The following HMCN2 variants were observed in gnomAD, a reference collection of about 807,000 sequenced individuals.
The protein encoded by HMCN2 is hemicentin-2.
HMCN2 carries 325 observed loss-of-function variants against 377.5 expected under a neutral mutation model. The ratio of observed to expected loss-of-function variants is 0.86; its 90% confidence interval spans 0.79 to 0.94. The LOEUF is 0.94. Ranked by LOEUF, HMCN2 falls within the 40% of genes least tolerant of loss-of-function variation. The pLI is 0.00. For missense variants in HMCN2, 4,543 were observed against 4,725.3 expected, an observed-to-expected ratio of 0.96 and a Z score of 1.13; for synonymous variants, 2,007 against 2,046.8, an observed-to-expected ratio of 0.98 and a Z score of 0.53.
At chr9:130,309,082 T>C (rs1284219593) in intron 14 of HMCN2, among the ~76,000 whole-genome samples, 1 of 152,210 alleles carries the variant, frequency 6.6e-6, no homozygotes, top group African/African-American at 2.4e-5. Flanking sequence ...CACCTAAAAG[T>C]GGTTCAGATC....
At chr9:130,401,586 G>T (rs547936668) in intron 77 of HMCN2, among the ~76,000 whole-genome samples, 1 of 152,234 alleles carries the variant, frequency 6.6e-6, no homozygotes, top group East Asian at 1.9e-4. Flanking sequence ...GCCTCCCAAA[G>T]TGCTGGAATT....
At chr9:130,307,913 T>A (rs1377672683) in intron 14 of HMCN2, among the ~76,000 whole-genome samples, 1 of 152,194 alleles carries the variant, frequency 6.6e-6, no homozygotes, top group South Asian at 2.1e-4. Flanking sequence ...ATTAAATGAG[T>A]TCCTATGCAC....
At chr9:130,357,780 AC>A in intron 34 of HMCN2, 53 bp from the exon 35 acceptor site, 1 of 1,256,126 alleles carries the variant, frequency 8.0e-7, no homozygotes, top group Non-Finnish European at 1.0e-6. Flanking sequence ...CTGGGTGCCC[AC>A]TGTACTCCTC....
intron 60 of HMCN2, 51 bp from the exon 61 acceptor site, chr9:130,386,392 A>G (rs1198964719): frequency 7.6e-6 from 9 of 1,180,144 alleles, no homozygotes; most frequent in Non-Finnish European, 1.0e-5. Flanking sequence ...GAGCCCTAGC[A>G]CCCCACTTCC....
At chr9:130,396,097 C>CCCCCCCCCAAAA in intron 72 of HMCN2, 32 bp downstream of exon 72, 1 of 1,237,052 alleles carries the variant, frequency 8.1e-7, no homozygotes, top group Non-Finnish European at 1.0e-6. Context: ...CCACCCTGCC[C>CCCCCCCCCAAAA]ACCTTACCCC....
At chr9:130,328,340 C>A (rs1838257189) in intron 22 of HMCN2, among the ~76,000 whole-genome samples, 1 of 152,080 alleles carries the variant, frequency 6.6e-6, no homozygotes, top group Admixed American at 6.5e-5. Context: ...GCCGTGGGAG[C>A]CCACAGCTCC....
chr9:130,316,374 G>A, intron 15 of HMCN2, among the ~76,000 whole-genome samples: 1 of 151,496 alleles, frequency 6.6e-6, no homozygotes, highest in Non-Finnish European at 1.5e-5. Context: ...GGGGGTGGGG[G>A]TGCTGCCCTG....
rs576805621 is a variant in HMCN2, at chr9:130,363,551, G to A, written c.6232+561G>A. Among the ~76,000 whole-genome samples, 17 of 152,272 alleles carry A rather than the reference G, an allele frequency of 1.1e-4. No individual in the cohort carries two copies. In the South Asian group the frequency reaches 2.7e-3, roughly 24 times the overall value. On this transcript the variant is annotated intron_variant, in intron 40 of 97. Coordinates refer to ENST00000683500, the MANE Select transcript of HMCN2 (RefSeq NM_001291815.2). ...GAAAGAATGCTGGGAGCTGGGCATG[G>A]TGGCTCACGCCTGTAATCCCAGCAC...
intron 48 of HMCN2, 40 bp downstream of exon 48, chr9:130,373,164 G>A (rs1841132092): frequency 2.5e-6 from 2 of 810,418 alleles, no homozygotes; most frequent in Non-Finnish European, 3.0e-6. Flanking sequence ...AGAAGGGGCG[G>A]GAAGGCACCT....
At chr9:130,418,678 T>C in intron 85 of HMCN2, 94 bp from the exon 86 acceptor site, 1 of 1,108,994 alleles carries the variant, frequency 9.0e-7, no homozygotes, top group Non-Finnish European at 1.2e-6. Flanking sequence ...TCTTTCTGCT[T>C]CTCTGGATTT....
chr9:130,406,199 A>G, intron 82 of HMCN2, 31 bp downstream of exon 82: 5 of 1,287,822 alleles, frequency 3.9e-6, no homozygotes, highest in Non-Finnish European at 5.1e-6. Flanking sequence ...GGTGGGACAG[A>G]GAGCCAGGAC....
At chr9:130,429,727 C>G in intron 94 of HMCN2, 42 bp downstream of exon 94, 1 of 1,296,002 alleles carries the variant, frequency 7.7e-7, no homozygotes. Context: ...CTGCAGCTGC[C>G]CCAGGGGTTA....
chr9:130,371,062 C>T lies in HMCN2; in HGVS notation c.7168C>T (p.Pro2390Ser), dbSNP rs1564825558. 3.0e-6 allele frequency: 3 copies of T among 985,970 alleles called. No homozygotes were observed. The highest frequency in any genetic ancestry group is 3.6e-6 in the Non-Finnish European group (3 of 830,010). 61.1% of individuals were successfully genotyped at this position (985,970 alleles called of 1,614,324 possible). ...TLLCEAMGIP[P>S]PAIRWFRGEE... ...GCTCTGTGAAGCCATGGGGATCCCACCTCCAGCCATCCGCTGGTTCCGAGG... is the reference window on the plus strand; with the variant it reads ...GCTCTGTGAAGCCATGGGGATCCCATCTCCAGCCATCCGCTGGTTCCGAGG... The change falls in exon 46 of 98, where the codon CCT (proline) becomes TCT (serine). Residue 2390 changes from proline (P) to serine (S), a missense_variant. Physicochemically the swap from Pro to Ser is moderately conservative, Grantham distance 74. Coordinates refer to ENST00000683500, the MANE Select transcript of HMCN2 (RefSeq NM_001291815.2).
chr9:130,392,871 C>T (rs943022762), intron 66 of HMCN2, among the ~76,000 whole-genome samples: 1 of 151,944 alleles, frequency 6.6e-6, no homozygotes, highest in Admixed American at 6.6e-5. Flanking sequence ...TGGCGGGCGC[C>T]TGTAGTCCCA....
rs552986147 is a variant in HMCN2, at chr9:130,279,374, A to G, written c.260-5229A>G. 2.6e-5 allele frequency among the ~76,000 whole-genome samples: 4 copies of G among 151,522 alleles called. 1 individual carries two copies. Among genetic ancestry groups the G allele is most frequent in the African/African-American group, 9.7e-5 (4 of 41,238 alleles). On this transcript the variant is annotated intron_variant, in intron 1 of 97. Transcript: ENST00000683500. ...ACATTGTTGTTTTGTTTTTTTTGAG[A>G]TGGAGTCTCGCTCTATCACCCAGGC... is the stretch of plus-strand genomic sequence containing the variant.
intron 22 of HMCN2, among the ~76,000 whole-genome samples, chr9:130,335,267 G>A (rs1490194196): frequency 6.6e-6 from 1 of 152,156 alleles, no homozygotes; most frequent in African/African-American, 2.4e-5. Context: ...GTGTGATTGA[G>A]TGTATAAGTT....
chr9:130,302,492 G>A (rs1312396341), intron 8 of HMCN2, among the ~76,000 whole-genome samples: 1 of 152,184 alleles, frequency 6.6e-6, no homozygotes, highest in Non-Finnish European at 1.5e-5. Context: ...ATTTCATACA[G>A]TTGAGACAGT....
rs188367235 is a variant in HMCN2 at position 130,271,369 on chromosome 9, T to C, written c.259+5232T>C. ...TCTATCTACATGGATTATTTGGAAT[T>C]ATTCTGCATGAGAGTTGTCTCTTCT... is the stretch of plus-strand genomic sequence containing the variant. On this transcript the variant is annotated intron_variant, in intron 1 of 97. Transcript: ENST00000683500. Among the ~76,000 whole-genome samples the C allele has an allele frequency of 8.1e-4, 121 of 149,162 alleles. 2 individuals carry two copies. The highest frequency in any genetic ancestry group is 2.8e-3 in the African/African-American group (116 of 41,376).
At chr9:130,288,995 C>T (rs56361540) in intron 4 of HMCN2, among the ~76,000 whole-genome samples, 17,108 of 152,248 alleles carry the variant, frequency 0.11, 1,038 homozygotes, top group Middle Eastern at 0.15. Flanking sequence ...ACCTGCTGTG[C>T]CAGAGCAGCC....
Sources: allele counts gnomAD v4.1 joint callset (sites outside exome capture counted in the v4.1 genomes callset), GRCh38; gene constraint gnomAD v4.1.1; transcripts MANE v1.5; gene names NCBI Gene and HGNC (gene_info 2026-07-23, HGNC 2026-07-21).